The following FAM171A1 variants were observed in gnomAD, a reference collection of about 807,000 sequenced individuals.
FAM171A1 encodes the protein family with sequence similarity 171 member A1, also known as protein FAM171A1.
In FAM171A1, 23 loss-of-function variants were observed where a neutral mutation model predicts 74.9. The observed-to-expected ratio is 0.31, with a 90% CI of 0.22 to 0.44. The LOEUF is 0.44. Among genes scored for constraint, FAM171A1 ranks in the 20% least tolerant of loss-of-function variants. The probability of loss-of-function intolerance (pLI) is 1.00; values close to 1 mark genes in which losing one functional copy is unlikely to be tolerated. For missense variants in FAM171A1, 1,162 were observed against 1,159.2 expected (o/e 1.00, Z -0.03); for synonymous variants, 527 against 505.7 (o/e 1.04, Z -0.57).
At position 15,212,827 on chromosome 10, in the gene FAM171A1, T is replaced by C; in HGVS notation, c.*88A>G. 6.5e-7 allele frequency: 1 copy of C among 1,534,244 alleles called. No homozygotes were observed. The highest frequency in any genetic ancestry group is 8.8e-7 in the Non-Finnish European group (1 of 1,139,756). ...GTCCGTCCCACGGCTGGGCTGCCGT[T>C]CCGTTTCCTCCACGAACGGGTACGC... On this transcript the variant is annotated 3_prime_UTR_variant, in exon 8 of 8. Coordinates refer to ENST00000378116, the MANE Select transcript of FAM171A1 (RefSeq NM_001010924.2).
intron 1 of FAM171A1, among the ~76,000 whole-genome samples, chr10:15,290,371 A>G (rs545567547): frequency 1.3e-5 from 2 of 152,080 alleles, no homozygotes; most frequent in East Asian, 3.9e-4. Flanking sequence ...ATGTTTTTCT[A>G]CACTTCCCTT....
intron 3 of FAM171A1, among the ~76,000 whole-genome samples, chr10:15,265,182 C>G (rs981419388): frequency 5.9e-5 from 9 of 151,922 alleles, no homozygotes; most frequent in Non-Finnish European, 8.8e-5. Flanking sequence ...CTCCTCGGGC[C>G]GATTTATAAT....
intron 1 of FAM171A1, among the ~76,000 whole-genome samples, chr10:15,291,326 C>T (rs1835099667): frequency 6.6e-6 from 1 of 152,200 alleles, no homozygotes; most frequent in Non-Finnish European, 1.5e-5. Context: ...TAACACAACA[C>T]TACCTGATAT....
chr10:15,368,110 G>T (rs538980938), intron 1 of FAM171A1, among the ~76,000 whole-genome samples: 1 of 152,248 alleles, frequency 6.6e-6, no homozygotes, highest in East Asian at 1.9e-4. Flanking sequence ...CAACTGAGAG[G>T]AAACACTTAA....
At chr10:15,249,888 G>A (rs1004535198) in intron 4 of FAM171A1, among the ~76,000 whole-genome samples, 8 of 152,062 alleles carry the variant, frequency 5.3e-5, no homozygotes, top group African/African-American at 1.4e-4. Flanking sequence ...ATACAATATC[G>A]CACAAACTGT....
At chr10:15,293,357 G>A (rs951646800) in intron 1 of FAM171A1, among the ~76,000 whole-genome samples, 5 of 152,068 alleles carry the variant, frequency 3.3e-5, no homozygotes, top group African/African-American at 1.2e-4. Flanking sequence ...GTAACTAACT[G>A]TAAATAATCA....
At chr10:15,317,191 G>A (rs1351254862) in intron 1 of FAM171A1, among the ~76,000 whole-genome samples, 3 of 152,158 alleles carry the variant, frequency 2.0e-5, no homozygotes, top group African/African-American at 7.2e-5. Flanking sequence ...GGAGTGGGAT[G>A]TGCAGACACT....
At chr10:15,317,964 A>T (rs1835442348) in intron 1 of FAM171A1, among the ~76,000 whole-genome samples, 1 of 152,094 alleles carries the variant, frequency 6.6e-6, no homozygotes, top group African/African-American at 2.4e-5. Flanking sequence ...CTAATTTTTA[A>T]AACATTCTTT....
intron 1 of FAM171A1, among the ~76,000 whole-genome samples, chr10:15,306,319 T>C (rs981642173): frequency 1.3e-5 from 2 of 152,206 alleles, no homozygotes; most frequent in Non-Finnish European, 2.9e-5. Flanking sequence ...GCTTACATCA[T>C]TGTCATCAAT....
At chr10:15,370,516 G>T (rs1327859642) in intron 1 of FAM171A1, among the ~76,000 whole-genome samples, 2 of 152,064 alleles carry the variant, frequency 1.3e-5, no homozygotes, top group Non-Finnish European at 1.5e-5. Flanking sequence ...CAGCCCAGGA[G>T]CTGGGACTTC....
At chr10:15,339,158 A>G (rs1835735686) in intron 1 of FAM171A1, among the ~76,000 whole-genome samples, 2 of 152,216 alleles carry the variant, frequency 1.3e-5, no homozygotes, top group South Asian at 4.1e-4. Context: ...TCAAATATAG[A>G]ATAATTTTTG....
At chr10:15,220,236 G>C (rs953677653) in intron 6 of FAM171A1, among the ~76,000 whole-genome samples, 8 of 152,026 alleles carry the variant, frequency 5.3e-5, no homozygotes, top group African/African-American at 1.9e-4. Flanking sequence ...TTGCCACCAA[G>C]AAAGAGATTT....
Position 15,221,143 on chromosome 10 carries a change from A to C in FAM171A1, c.755-83T>G, listed in dbSNP as rs183507502. On this transcript the variant is annotated intron_variant, in intron 5 of 7. Coordinates refer to ENST00000378116, the MANE Select transcript of FAM171A1 (RefSeq NM_001010924.2). ...TGAGCATATTGTAAAAGTCATCTTA[A>C]ATATCTTAAATGTCATGTTTATGAC... 490 of 1,157,910 alleles carry C rather than the reference A, an allele frequency of 4.2e-4. 5 individuals carry two copies. The East Asian group carries it at 0.012, about 28-fold the overall frequency. 71.7% of individuals were successfully genotyped at this position (1,157,910 alleles called of 1,614,324 possible). A position where few individuals can be genotyped will look rare whatever the true frequency, so the allele number is the denominator to read the frequency against.
Position 15,216,080 on chromosome 10 carries a change from T to A in FAM171A1, c.902A>T (p.Tyr301Phe). The A allele has an allele frequency of 6.2e-7, 1 of 1,609,214 alleles. No individual in the cohort carries two copies. The highest frequency in any genetic ancestry group is 1.3e-5 in the African/African-American group (1 of 74,780). The change falls in exon 7 of 8, where the codon TAT becomes TTT. Residue 301 changes from tyrosine to phenylalanine, a missense_variant. Tyr to Phe is a conservative substitution (Grantham distance 22). Transcript: ENST00000378116. ...AATGGCCAAAAGAAACACCGTGTGA[T>A]ACGTGGTAATGTCCTGTGTTACAAC... is the stretch of plus-strand genomic sequence containing the variant. ...GPVVTQDITT[Y>F]HTVFLLAILG...
chr10:15,323,476 A>G (rs142440789), intron 1 of FAM171A1, among the ~76,000 whole-genome samples: 2 of 152,262 alleles, frequency 1.3e-5, no homozygotes, highest in East Asian at 3.9e-4. Context: ...ATACATAAAT[A>G]AAATAAAAAA....
At chr10:15,297,788 A>G (rs923614873) in intron 1 of FAM171A1, among the ~76,000 whole-genome samples, 1 of 152,202 alleles carries the variant, frequency 6.6e-6, no homozygotes, top group Non-Finnish European at 1.5e-5. Flanking sequence ...TGTTACCCTA[A>G]TAAGTTAAAC....
At chr10:15,290,347 T>A (rs2131816612) in intron 1 of FAM171A1, among the ~76,000 whole-genome samples, 1 of 152,294 alleles carries the variant, frequency 6.6e-6, no homozygotes, top group East Asian at 1.9e-4. Flanking sequence ...CACAGCTTAT[T>A]GCCTTTGAAG....
At chr10:15,312,975 G>T (rs1835381941) in intron 1 of FAM171A1, among the ~76,000 whole-genome samples, 1 of 152,012 alleles carries the variant, frequency 6.6e-6, no homozygotes, top group Non-Finnish European at 1.5e-5. Flanking sequence ...GATTACAGGG[G>T]TGAGCCACCG....
chr10:15,239,773 A>T (rs746335027), intron 5 of FAM171A1, among the ~76,000 whole-genome samples: 1 of 152,222 alleles, frequency 6.6e-6, no homozygotes, highest in Non-Finnish European at 1.5e-5. Context: ...AGCTTTAACA[A>T]AACATGTCAA....
Sources: allele counts gnomAD v4.1 joint callset (sites outside exome capture counted in the v4.1 genomes callset), GRCh38; gene constraint gnomAD v4.1.1; transcripts MANE v1.5; gene names NCBI Gene and HGNC (gene_info 2026-07-23, HGNC 2026-07-21).